Variants in NTM observed in about 807,000 individuals in gnomAD.
NTM encodes IgLON family member 2.
A neutral mutation model predicts 42.1 loss-of-function variants in NTM; 13 were observed. That is an observed-to-expected ratio of 0.31 (90% CI 0.20 to 0.49). NTM has a LOEUF of 0.49. NTM is among the 20% of genes least tolerant of loss of function. NTM has a pLI of 0.99. For missense variants in NTM, 373 were observed against 452.8 expected (o/e 0.82, Z 1.60); for synonymous variants, 187 against 179.2 (o/e 1.04, Z -0.35).
intron 1 of NTM, among the ~76,000 whole-genome samples, chr11:131,852,833 CCCACCCATCCAT>C: frequency 6.6e-6 from 1 of 151,188 alleles, no homozygotes; most frequent in East Asian, 2.0e-4. Flanking sequence ...CTTCTATTCA[CCCACCCATCCAT>C]CCACCCATCC....
chr11:131,807,200 T>C (rs1591993314), intron 1 of NTM, among the ~76,000 whole-genome samples: 1 of 152,172 alleles, frequency 6.6e-6, no homozygotes, highest in Non-Finnish European at 1.5e-5. Flanking sequence ...GAATATGAAT[T>C]TGTCCAGGTC....
At chr11:132,122,152 G>A (rs541102557) in intron 2 of NTM, among the ~76,000 whole-genome samples, 2 of 152,308 alleles carry the variant, frequency 1.3e-5, no homozygotes, top group East Asian at 3.9e-4. Context: ...CACTCGGTGT[G>A]GGCCTTTGCT....
intron 1 of NTM, chr11:131,911,083 G>T (rs2054827891): frequency 1.8e-6 from 2 of 1,122,912 alleles, no homozygotes; most frequent in African/African-American, 3.2e-5. Flanking sequence ...AGCCCACCCC[G>T]TCCCCTTCTG....
intron 1 of NTM, among the ~76,000 whole-genome samples, chr11:131,384,742 A>G (rs917540225): frequency 3.9e-5 from 6 of 152,188 alleles, no homozygotes; most frequent in Non-Finnish European, 7.3e-5. Context: ...GACTGCTTCC[A>G]TTACTCTTTA....
intron 1 of NTM, among the ~76,000 whole-genome samples, chr11:131,383,505 G>A (rs750836924): frequency 2.6e-5 from 4 of 152,176 alleles, no homozygotes; most frequent in Admixed American, 1.3e-4. Flanking sequence ...AGTGTTACAA[G>A]TGGAAGAAAT....
chr11:131,564,316 T>A (rs947072708), intron 1 of NTM, among the ~76,000 whole-genome samples: 1 of 152,194 alleles, frequency 6.6e-6, no homozygotes, highest in Admixed American at 6.5e-5. Context: ...TTTCCCATAA[T>A]TCTGGAGGCT....
intron 1 of NTM, among the ~76,000 whole-genome samples, chr11:131,533,333 G>A (rs903757419): frequency 3.3e-5 from 5 of 152,322 alleles, no homozygotes; most frequent in African/African-American, 4.8e-5. Flanking sequence ...AGCGTCGAGC[G>A]TGATTTACAC....
intron 1 of NTM, among the ~76,000 whole-genome samples, chr11:131,816,721 T>G (rs1264505195): frequency 6.6e-6 from 1 of 152,048 alleles, no homozygotes; most frequent in Non-Finnish European, 1.5e-5. Context: ...AGAGGCGAAG[T>G]GTTCTGTAGG....
intron 1 of NTM, among the ~76,000 whole-genome samples, chr11:131,815,782 A>T (rs2136352459): frequency 6.6e-6 from 1 of 152,296 alleles, no homozygotes; most frequent in East Asian, 1.9e-4. Flanking sequence ...CCTGATAGAA[A>T]TACTTAAGAA....
At chr11:131,793,244 C>T (rs1472038730) in intron 1 of NTM, among the ~76,000 whole-genome samples, 1 of 152,098 alleles carries the variant, frequency 6.6e-6, no homozygotes, top group Admixed American at 6.5e-5. Flanking sequence ...TATTTGGTTG[C>T]TATCGTTTTT....
At chr11:131,523,329 G>A (rs2050004623) in intron 1 of NTM, among the ~76,000 whole-genome samples, 1 of 152,224 alleles carries the variant, frequency 6.6e-6, no homozygotes, top group African/African-American at 2.4e-5. Context: ...GATGGTTAAA[G>A]TAAGAAAGTG....
At chr11:131,878,567 C>T (rs2048873080) in intron 1 of NTM, among the ~76,000 whole-genome samples, 1 of 29,712 alleles carries the variant, frequency 3.4e-5, no homozygotes, top group Non-Finnish European at 5.5e-5. Context: ...GAGACTCCAT[C>T]TCAAAAAAAA....
intron 4 of NTM, among the ~76,000 whole-genome samples, chr11:132,263,805 A>G (rs2093013186): frequency 6.6e-6 from 1 of 152,240 alleles, no homozygotes; most frequent in South Asian, 2.1e-4. Context: ...TTGCAATTTT[A>G]CAACAAGGAT....
chr11:131,994,198 G>A (rs1424614380), intron 2 of NTM, among the ~76,000 whole-genome samples: 3 of 152,134 alleles, frequency 2.0e-5, no homozygotes, highest in East Asian at 1.9e-4. Flanking sequence ...ACCTTGAGAA[G>A]AACAGTTGTA....
intron 1 of NTM, among the ~76,000 whole-genome samples, chr11:131,777,449 A>C (rs1591771915): frequency 6.5e-5 from 5 of 76,552 alleles, no homozygotes; most frequent in Admixed American, 4.3e-4. Flanking sequence ...CCCACCCCCC[A>C]CCCCATGCAA....
At chr11:131,435,430 T>C (rs1439313721) in intron 1 of NTM, among the ~76,000 whole-genome samples, 1 of 152,234 alleles carries the variant, frequency 6.6e-6, no homozygotes, top group African/African-American at 2.4e-5. Flanking sequence ...GAGCATGGAA[T>C]GTTCTTCCAT....
chr11:132,294,814 G>C (rs1257346338), intron 4 of NTM, among the ~76,000 whole-genome samples: 5 of 152,134 alleles, frequency 3.3e-5, no homozygotes. Context: ...ATTACAGACA[G>C]ACAGAGCTGA....
chr11:132,332,950 C>G (rs188858509), intron 8 of NTM, among the ~76,000 whole-genome samples: 5 of 152,070 alleles, frequency 3.3e-5, no homozygotes, highest in African/African-American at 9.6e-5. Flanking sequence ...AGGGAGGGAG[C>G]GGGAGACGGG....
intron 3 of NTM, among the ~76,000 whole-genome samples, chr11:132,190,985 A>G (rs1052227286): frequency 1.3e-5 from 2 of 152,072 alleles, no homozygotes; most frequent in Non-Finnish European, 2.9e-5. Flanking sequence ...TACTCTAGTC[A>G]TGATGTACAG....
Sources: allele counts gnomAD v4.1 joint callset (sites outside exome capture counted in the v4.1 genomes callset), GRCh38; gene constraint gnomAD v4.1.1; transcripts MANE v1.5; gene names NCBI Gene and HGNC (gene_info 2026-07-23, HGNC 2026-07-21).